The following TEX2 variants were observed in gnomAD, a reference collection of about 807,000 sequenced individuals.
The protein encoded by TEX2 is testis-expressed protein 2.
A neutral mutation model predicts 106.9 loss-of-function variants in TEX2; 53 were observed. The ratio of observed to expected loss-of-function variants is 0.50; its 90% confidence interval spans 0.40 to 0.62. TEX2 has a LOEUF of 0.62. Among genes scored for constraint, TEX2 ranks in the 20% least tolerant of loss-of-function variants. The pLI, the probability that TEX2 is intolerant of heterozygous loss-of-function variation, is 0.00. For synonymous variants in TEX2, 523 were observed against 534.8 expected, an observed-to-expected ratio of 0.98 and a Z score of 0.30; for missense variants, 1,207 against 1,379.0, an observed-to-expected ratio of 0.88 and a Z score of 1.98.
At position 64,221,439 on chromosome 17, in the gene TEX2, T is replaced by TG. The variant is rs1391535853; in HGVS notation, c.-25-7198dup. On this transcript the variant is annotated intron_variant, in intron 1 of 11. Coordinates refer to ENST00000584379, the MANE Select transcript of TEX2 (RefSeq NM_001288732.2). ...GATATACAAATGGGCAACAAGCACA[T>TG]GGAAAGATGCTCAACATCACTAGTT... 2.6e-5 allele frequency among the ~76,000 whole-genome samples: 4 copies of TG among 152,260 alleles called. No homozygotes were observed. The East Asian group carries it at 7.7e-4, about 29-fold the overall frequency.
chr17:64,213,193 T>A lies in TEX2; in HGVS notation c.1025A>T (p.Asn342Ile). 6.2e-7 allele frequency: 1 copy of A among 1,614,216 alleles called. No individual in the cohort carries two copies. The highest frequency in any genetic ancestry group is 8.5e-7 in the Non-Finnish European group (1 of 1,180,046). ...CTCCTCCTCCTTGATGCTGTAGTTG[T>A]TATTGCTTTCCAAGTGCCCATTCAA... ...SSLNGHLESN[N>I]NYSIKEEECD... The change falls in exon 2 of 12, where the codon AAC (asparagine) becomes ATC (isoleucine). Residue 342 changes from asparagine (N) to isoleucine (I), a missense_variant. Transcript: ENST00000584379. The surrounding 1 kb of genome is among the most constrained non-coding windows in gnomAD (Gnocchi z 4.4).
At chr17:64,210,902 G>C (rs2032982326) in intron 2 of TEX2, among the ~76,000 whole-genome samples, 1 of 151,794 alleles carries the variant, frequency 6.6e-6, no homozygotes, top group Non-Finnish European at 1.5e-5. Flanking sequence ...AGGTGTCATG[G>C]GAAAAGCAGG....
intron 2 of TEX2, among the ~76,000 whole-genome samples, chr17:64,196,982 AT>A (rs59960456): frequency 0.03 from 1,899 of 63,556 alleles, 33 homozygotes; most frequent in African/African-American, 0.095. Context: ...TCAAATCAAG[AT>A]TTTTTTTTTT....
At chr17:64,172,120 C>T (rs765584304) in intron 6 of TEX2, among the ~76,000 whole-genome samples, 11 of 152,104 alleles carry the variant, frequency 7.2e-5, no homozygotes, top group East Asian at 3.9e-4. Context: ...TTTGGGAGGC[C>T]GAGGTGGGCG....
chr17:64,169,027 G>A (rs980176967), intron 7 of TEX2, among the ~76,000 whole-genome samples: 1 of 148,130 alleles, frequency 6.8e-6, no homozygotes, highest in Non-Finnish European at 1.5e-5. Flanking sequence ...TATTTCTAAA[G>A]CTCTGTTATT....
chr17:64,183,181 C>T (rs1297565142), intron 5 of TEX2, among the ~76,000 whole-genome samples: 1 of 152,254 alleles, frequency 6.6e-6, no homozygotes, highest in Admixed American at 6.5e-5. Context: ...GCTGGGCTTA[C>T]AGGCGCAAGC....
At chr17:64,187,337 C>A (rs976319029) in intron 5 of TEX2, among the ~76,000 whole-genome samples, 1 of 152,142 alleles carries the variant, frequency 6.6e-6, no homozygotes, top group Admixed American at 6.6e-5. Context: ...AGTGATTCTG[C>A]AACAACCCCT....
chr17:64,165,866 T>C (rs1460811810), intron 7 of TEX2, among the ~76,000 whole-genome samples: 1 of 152,212 alleles, frequency 6.6e-6, no homozygotes, highest in African/African-American at 2.4e-5. Flanking sequence ...AATATTTCCA[T>C]AGAATCTGAG....
chr17:64,150,706 T>C, intron 11 of TEX2, 135 bp downstream of exon 11: 1 of 943,118 alleles, frequency 1.1e-6, no homozygotes, highest in Non-Finnish European at 1.6e-6. Context: ...TTTGATCAAA[T>C]GTAATACTCT....
intron 2 of TEX2, among the ~76,000 whole-genome samples, chr17:64,196,900 T>C (rs1415779239): frequency 2.0e-5 from 3 of 152,006 alleles, no homozygotes; most frequent in Non-Finnish European, 4.4e-5. Flanking sequence ...AACTCCATGT[T>C]CAGTGACTTC....
intron 1 of TEX2, among the ~76,000 whole-genome samples, chr17:64,228,344 C>A (rs144165783): frequency 6.6e-5 from 10 of 152,254 alleles, no homozygotes; most frequent in Non-Finnish European, 1.3e-4. Context: ...CATTTCATTT[C>A]TATTGTTATT....
intron 9 of TEX2, among the ~76,000 whole-genome samples, chr17:64,154,491 C>T (rs2030515797): frequency 6.6e-6 from 1 of 152,128 alleles, no homozygotes; most frequent in Admixed American, 6.5e-5. Flanking sequence ...AGCAAATGCA[C>T]TCCAGCTGAA....
intron 1 of TEX2, among the ~76,000 whole-genome samples, chr17:64,241,501 T>C (rs1010534889): frequency 6.6e-6 from 1 of 152,182 alleles, no homozygotes; most frequent in Non-Finnish European, 1.5e-5. Context: ...CCAAAGATAA[T>C]TGTTACTCCT....
chr17:64,219,503 C>A (rs1400690831), intron 1 of TEX2, among the ~76,000 whole-genome samples: 8 of 125,724 alleles, frequency 6.4e-5, no homozygotes, highest in African/African-American at 1.9e-4. Flanking sequence ...GAGACTCCAT[C>A]TCATCAAATA....
At chr17:64,201,878 G>A (rs1434984254) in intron 2 of TEX2, among the ~76,000 whole-genome samples, 1 of 152,200 alleles carries the variant, frequency 6.6e-6, no homozygotes, top group African/African-American at 2.4e-5. Context: ...ATACATGAGG[G>A]AAGCCTAATT....
chr17:64,167,807 G>T (rs1265614625), intron 7 of TEX2, among the ~76,000 whole-genome samples: 1 of 151,804 alleles, frequency 6.6e-6, no homozygotes, highest in African/African-American at 2.4e-5. Flanking sequence ...CGACAAGAGT[G>T]AAACTCCATC....
intron 8 of TEX2, chr17:64,155,768 G>A (rs2030593845): frequency 1.3e-5 from 2 of 152,188 alleles, no homozygotes; most frequent in Admixed American, 1.3e-4. Context: ...GGGGTTGCTG[G>A]ATTACCCGCA....
chr17:64,191,183 C>T (rs2032282927), intron 4 of TEX2, among the ~76,000 whole-genome samples: 1 of 152,192 alleles, frequency 6.6e-6, no homozygotes, highest in South Asian at 2.1e-4. Flanking sequence ...GTGAGCCTTG[C>T]TTTAGTACCA....
intron 1 of TEX2, among the ~76,000 whole-genome samples, chr17:64,262,321 A>C (rs2034303072): frequency 1.3e-5 from 2 of 152,196 alleles, no homozygotes. Context: ...TTGCCCTTAC[A>C]TTTGACGCCC....
Sources: allele counts gnomAD v4.1 joint callset (sites outside exome capture counted in the v4.1 genomes callset), GRCh38; gene constraint gnomAD v4.1.1; non-coding constraint Gnocchi (gnomAD v3.1); transcripts MANE v1.5; gene names NCBI Gene and HGNC (gene_info 2026-07-23, HGNC 2026-07-21).